Variants in ZSWIM6 observed in about 807,000 individuals in gnomAD.
ZSWIM6 encodes the protein zinc finger SWIM domain-containing protein 6.
Under a neutral mutation model 113.2 loss-of-function variants are expected in ZSWIM6, and 9 were observed. The observed-to-expected ratio is 0.08, with a 90% CI of 0.05 to 0.14. ZSWIM6 has a LOEUF of 0.14. ZSWIM6 is among the 10% of genes least tolerant of loss of function. ZSWIM6 has a pLI of 1.00. For synonymous variants in ZSWIM6, 611 were observed against 606.5 expected (o/e 1.01, Z -0.11); for missense variants, 1,162 against 1,552.2 (o/e 0.75, Z 4.22).
intron 1 of ZSWIM6, among the ~76,000 whole-genome samples, chr5:61,365,307 G>A (rs894378977): frequency 4.0e-5 from 6 of 151,186 alleles, no homozygotes; most frequent in Admixed American, 1.3e-4. Flanking sequence ...AGCTGAGATT[G>A]CACCACTGCA....
chr5:61,380,714 T>A (rs1479244788), intron 1 of ZSWIM6, among the ~76,000 whole-genome samples: 1 of 152,194 alleles, frequency 6.6e-6, no homozygotes, highest in Non-Finnish European at 1.5e-5. Flanking sequence ...TGTTATGCAC[T>A]GGCCATTAAG....
At chr5:61,532,784 C>T (rs546887954) in intron 9 of ZSWIM6, among the ~76,000 whole-genome samples, 1 of 152,132 alleles carries the variant, frequency 6.6e-6, no homozygotes, top group African/African-American at 2.4e-5. Context: ...CTGTTTTTTT[C>T]CCTGTAAAGA....
At chr5:61,519,620 A>C (rs1233541342) in intron 4 of ZSWIM6, among the ~76,000 whole-genome samples, 1 of 152,134 alleles carries the variant, frequency 6.6e-6, no homozygotes, top group East Asian at 1.9e-4. Flanking sequence ...TTCACTAGCC[A>C]TGTTGTGTTT....
intron 10 of ZSWIM6, among the ~76,000 whole-genome samples, chr5:61,538,180 G>A (rs922194797): frequency 6.6e-5 from 10 of 152,324 alleles, no homozygotes; most frequent in African/African-American, 2.2e-4. Context: ...AAACTGTCAA[G>A]GGACAGACAC....
At chr5:61,461,431 T>G (rs950907657) in intron 1 of ZSWIM6, among the ~76,000 whole-genome samples, 1 of 152,214 alleles carries the variant, frequency 6.6e-6, no homozygotes, top group Non-Finnish European at 1.5e-5. Flanking sequence ...GGGCTAGAAT[T>G]ACATAATGGC....
chr5:61,518,173 T>G (rs1240097221), intron 4 of ZSWIM6, among the ~76,000 whole-genome samples: 2 of 152,078 alleles, frequency 1.3e-5, no homozygotes, highest in Non-Finnish European at 2.9e-5. Context: ...CACATTTTCT[T>G]AATCCAGTGT....
chr5:61,491,072 G>A (rs985096965), intron 3 of ZSWIM6, 138 bp downstream of exon 3: 2 of 746,220 alleles, frequency 2.7e-6, no homozygotes, highest in African/African-American at 1.8e-5. Context: ...AGAAACTTTT[G>A]TATTGTAATG....
intron 9 of ZSWIM6, among the ~76,000 whole-genome samples, chr5:61,534,551 T>C (rs2112281721): frequency 6.6e-6 from 1 of 152,250 alleles, no homozygotes; most frequent in East Asian, 1.9e-4. Flanking sequence ...ATTCTAGAAA[T>C]CATGAAACAG....
chr5:61,446,498 T>A (rs566744437), intron 1 of ZSWIM6, among the ~76,000 whole-genome samples: 1 of 152,312 alleles, frequency 6.6e-6, no homozygotes, highest in Admixed American at 6.5e-5. Flanking sequence ...ATTAAATTAA[T>A]CTTATTTATC....
intron 1 of ZSWIM6, among the ~76,000 whole-genome samples, chr5:61,445,852 A>G (rs79482236): frequency 0.023 from 3,526 of 152,282 alleles, 56 homozygotes; most frequent in Non-Finnish European, 0.035. Context: ...TGACAGTGTT[A>G]TCCAGAGCCT....
intron 1 of ZSWIM6, among the ~76,000 whole-genome samples, chr5:61,349,851 A>G (rs1320975278): frequency 6.6e-5 from 10 of 152,194 alleles, no homozygotes; most frequent in Non-Finnish European, 1.0e-4. Flanking sequence ...TTTTAAAAGA[A>G]ATTGGTATAA....
intron 1 of ZSWIM6, among the ~76,000 whole-genome samples, chr5:61,439,220 A>C (rs367756428): frequency 6.6e-6 from 1 of 152,178 alleles, no homozygotes; most frequent in Admixed American, 6.6e-5. Flanking sequence ...CTCACATGGA[A>C]GTTCCCTTGC....
chr5:61,482,915 T>G (rs1747914494), intron 2 of ZSWIM6, among the ~76,000 whole-genome samples: 1 of 152,128 alleles, frequency 6.6e-6, no homozygotes, highest in African/African-American at 2.4e-5. Flanking sequence ...CATTTTTTTT[T>G]TTCTCCAGTG....
chr5:61,367,949 T>TC (rs140248201), intron 1 of ZSWIM6, among the ~76,000 whole-genome samples: 2,171 of 152,082 alleles, frequency 0.014, 29 homozygotes, highest in Non-Finnish European at 0.024. Flanking sequence ...TAGGGAGGCC[T>TC]CCATCTCTAC....
chr5:61,540,937 TGTTG>T (rs1323780033), intron 12 of ZSWIM6, among the ~76,000 whole-genome samples: 8,150 of 115,994 alleles, frequency 0.07, 257 homozygotes, highest in Admixed American at 0.12. Context: ...TTTTTTTTTT[TGTTG>T]TTGTTGTTGT....
chr5:61,488,007 G>T (rs62368683), intron 2 of ZSWIM6, among the ~76,000 whole-genome samples: 30 of 152,040 alleles, frequency 2.0e-4, no homozygotes, highest in Middle Eastern at 3.4e-3. Flanking sequence ...GTTGGCTGTG[G>T]GTATGTCATA....
At chr5:61,531,935 G>A (rs1294924710) in intron 9 of ZSWIM6, among the ~76,000 whole-genome samples, 2 of 152,134 alleles carry the variant, frequency 1.3e-5, no homozygotes, top group Non-Finnish European at 2.9e-5. Context: ...TTTGATTTAG[G>A]TGGTTATATA....
chr5:61,348,477 C>T (rs752914274), intron 1 of ZSWIM6, among the ~76,000 whole-genome samples: 40 of 152,130 alleles, frequency 2.6e-4, no homozygotes, highest in Non-Finnish European at 4.7e-4. Context: ...CCCCTTCATA[C>T]TTCCTGTTAA....
At chr5:61,355,988 A>G (rs1273199143) in intron 1 of ZSWIM6, among the ~76,000 whole-genome samples, 1 of 152,202 alleles carries the variant, frequency 6.6e-6, no homozygotes, top group African/African-American at 2.4e-5. Flanking sequence ...CTGTTTATGT[A>G]TACAATTCAG....
Sources: allele counts gnomAD v4.1 joint callset (sites outside exome capture counted in the v4.1 genomes callset), GRCh38; gene constraint gnomAD v4.1.1; transcripts MANE v1.5; gene names NCBI Gene and HGNC (gene_info 2026-07-23, HGNC 2026-07-21).